Variants in CYP19A1 observed in about 807,000 individuals in gnomAD.
CYP19A1 encodes cytochrome P450 family 19 subfamily A member 1.
CYP19A1 carries 32 observed loss-of-function variants against 44.4 expected under a neutral mutation model. The observed-to-expected ratio is 0.72, with a 90% confidence interval of 0.54 to 0.97. The LOEUF (loss-of-function observed/expected upper bound fraction) is 0.97. CYP19A1 is among the 50% of genes least tolerant of loss of function. The probability of loss-of-function intolerance (pLI) is 0.00; values close to 1 mark genes in which losing one functional copy is unlikely to be tolerated. For synonymous variants in CYP19A1, 212 were observed against 215.6 expected, an observed-to-expected ratio of 0.98 and a Z score of 0.14; for missense variants, 598 against 637.8, an observed-to-expected ratio of 0.94 and a Z score of 0.67.
chr15:51,322,622 C>T (rs28973138), intron 1 of CYP19A1, among the ~76,000 whole-genome samples: 1 of 152,292 alleles, frequency 6.6e-6, no homozygotes, highest in East Asian at 1.9e-4. Flanking sequence ...TTAGGAAGAG[C>T]CCTTGTCATA....
At chr15:51,225,568 C>A (rs2032503770) in intron 4 of CYP19A1, among the ~76,000 whole-genome samples, 1 of 152,158 alleles carries the variant, frequency 6.6e-6, no homozygotes, top group Admixed American at 6.5e-5. Context: ...AACCCACAAC[C>A]TGTAATACTA....
intron 1 of CYP19A1, among the ~76,000 whole-genome samples, chr15:51,255,011 G>C (rs1269877472): frequency 6.6e-6 from 1 of 152,102 alleles, no homozygotes; most frequent in African/African-American, 2.4e-5. Context: ...ATGGGAGGAT[G>C]TAACAGAAAA....
rs1414656948 is a variant in CYP19A1 at position 51,303,565 on chromosome 15, T to C, written c.-39+34930A>G. Among the ~76,000 whole-genome samples, 20 of 151,998 alleles carry C rather than the reference T, an allele frequency of 1.3e-4. 1 individual carries two copies. In the East Asian group the frequency reaches 3.7e-3, roughly 28 times the overall value. On this transcript the variant is annotated intron_variant, in intron 1 of 9. Coordinates refer to ENST00000396402, the MANE Select transcript of CYP19A1 (RefSeq NM_000103.4). ...GAGATGTAGGTGGGTTTTTTTTTTTTAGGCAGAGCTTCTGAAAGTCAGTGT... is the reference window on the plus strand; with the variant it reads ...GAGATGTAGGTGGGTTTTTTTTTTTCAGGCAGAGCTTCTGAAAGTCAGTGT...
chr15:51,235,089 C>G (rs944119665), intron 3 of CYP19A1, among the ~76,000 whole-genome samples: 10 of 152,194 alleles, frequency 6.6e-5, no homozygotes, highest in African/African-American at 2.4e-4. Context: ...AACACCAGTG[C>G]TTCCAGGATA....
chr15:51,237,372 A>C (rs2033473452), intron 2 of CYP19A1, among the ~76,000 whole-genome samples: 1 of 152,202 alleles, frequency 6.6e-6, no homozygotes, highest in Non-Finnish European at 1.5e-5. Context: ...GCAAACATGG[A>C]AACACTGATG....
intron 3 of CYP19A1, among the ~76,000 whole-genome samples, chr15:51,230,636 T>C (rs908221438): frequency 6.9e-6 from 1 of 144,636 alleles, no homozygotes; most frequent in South Asian, 2.2e-4. Context: ...TTTTTTTTTT[T>C]GAGACAGAGT....
At chr15:51,241,561 C>A (rs1267811915) in intron 2 of CYP19A1, among the ~76,000 whole-genome samples, 1 of 151,914 alleles carries the variant, frequency 6.6e-6, no homozygotes, top group African/African-American at 2.4e-5. Context: ...CACTTACTCA[C>A]CCCACCCCGA....
intron 1 of CYP19A1, among the ~76,000 whole-genome samples, chr15:51,263,977 G>C (rs2034824603): frequency 6.6e-6 from 1 of 152,146 alleles, no homozygotes; most frequent in Non-Finnish European, 1.5e-5. Flanking sequence ...GTAAATCTGG[G>C]AACAACTGAG....
intron 5 of CYP19A1, 64 bp from the exon 6 acceptor site, chr15:51,218,719 G>A: frequency 6.4e-7 from 1 of 1,557,426 alleles, no homozygotes; most frequent in Non-Finnish European, 8.7e-7. Flanking sequence ...AGCCTAAGAA[G>A]GTTGCTCTGA....
chr15:51,252,779 A>G (rs1595723816), intron 1 of CYP19A1, among the ~76,000 whole-genome samples: 2 of 113,804 alleles, frequency 1.8e-5, no homozygotes, highest in Admixed American at 1.6e-4. Context: ...TATCCTAGCC[A>G]CTAGCCACTG....
chr15:51,219,057 AG>A lies in CYP19A1; in HGVS notation c.629-403del, dbSNP rs1270540258. Among the ~76,000 whole-genome samples, 15 of 152,238 alleles carry A rather than the reference AG, an allele frequency of 9.9e-5. 1 individual carries two copies. Among genetic ancestry groups the A allele is most frequent in the Non-Finnish European group, 1.8e-4 (12 of 68,036 alleles). On this transcript the variant is annotated intron_variant, in intron 5 of 9. Coordinates refer to ENST00000396402, the MANE Select transcript of CYP19A1 (RefSeq NM_000103.4). ...GGGAGTGTAAAAAGCAGAGCCTGTT[AG>A]GTGGCTAACAACCACATTTTAACTT...
chr15:51,223,376 G>C (rs1182544205), intron 4 of CYP19A1, among the ~76,000 whole-genome samples: 1 of 152,072 alleles, frequency 6.6e-6, no homozygotes, highest in Non-Finnish European at 1.5e-5. Context: ...CTACACAGGA[G>C]GGTTTAACCC....
chr15:51,322,233 C>T (rs1184110430), intron 1 of CYP19A1, among the ~76,000 whole-genome samples: 1 of 152,180 alleles, frequency 6.6e-6, no homozygotes, highest in African/African-American at 2.4e-5. Flanking sequence ...GAGATCTCTG[C>T]CCTTGTCAGA....
At chr15:51,239,588 A>G (rs1474677717) in intron 2 of CYP19A1, among the ~76,000 whole-genome samples, 1 of 152,168 alleles carries the variant, frequency 6.6e-6, no homozygotes, top group African/African-American at 2.4e-5. Context: ...AAACAAGGCA[A>G]AATTAACCTG....
At chr15:51,276,247 G>C (rs1159062923) in intron 1 of CYP19A1, among the ~76,000 whole-genome samples, 1 of 152,150 alleles carries the variant, frequency 6.6e-6, no homozygotes, top group Non-Finnish European at 1.5e-5. Context: ...CATCTTGCAG[G>C]AGTTTGTCCA....
chr15:51,291,287 G>T (rs1300668389), intron 1 of CYP19A1, among the ~76,000 whole-genome samples: 2 of 152,178 alleles, frequency 1.3e-5, no homozygotes, highest in East Asian at 3.9e-4. Context: ...CCTTAATATT[G>T]AAAGGACAGG....
intron 3 of CYP19A1, among the ~76,000 whole-genome samples, chr15:51,235,667 A>G (rs190255703): frequency 6.6e-6 from 1 of 152,218 alleles, no homozygotes; most frequent in Non-Finnish European, 1.5e-5. Context: ...CCTTCTTTCA[A>G]TATCTGCTTC....
At chr15:51,247,763 A>G (rs2034129892) in intron 1 of CYP19A1, among the ~76,000 whole-genome samples, 1 of 152,116 alleles carries the variant, frequency 6.6e-6, no homozygotes. Context: ...TCCAGCTTCA[A>G]AATATTGGTG....
chr15:51,302,650 G>A (rs2036138633), intron 1 of CYP19A1, among the ~76,000 whole-genome samples: 1 of 152,112 alleles, frequency 6.6e-6, no homozygotes, highest in African/African-American at 2.4e-5. Flanking sequence ...GCCTCAAACT[G>A]AAGGTGTCTG....
Sources: gnomAD v4.1 joint callset for allele counts (sites outside exome capture counted in the v4.1 genomes callset) on GRCh38, gnomAD v4.1.1 for gene constraint, MANE v1.5 for transcripts, NCBI Gene and HGNC (gene_info 2026-07-23, HGNC 2026-07-21) for gene names.